CC2D2B: variants seen among roughly 807,000 people sequenced by gnomAD.
CC2D2B encodes the protein coiled-coil and C2 domain containing 2B.
Under a neutral mutation model 161.2 loss-of-function variants are expected in CC2D2B, and 128 were observed. The observed-to-expected ratio is 0.79, with a 90% CI of 0.69 to 0.92. The LOEUF is 0.92. Among genes scored for constraint, CC2D2B ranks in the 40% least tolerant of loss-of-function variants. The probability of loss-of-function intolerance (pLI) is 0.00; values close to 1 mark genes in which losing one functional copy is unlikely to be tolerated. For synonymous variants in CC2D2B, 391 were observed against 449.8 expected (o/e 0.87, Z 1.65); for missense variants, 1,173 against 1,375.1 (o/e 0.85, Z 2.32).
At chr10:96,019,473 A>T (rs553166802) in intron 31 of CC2D2B, 136 bp downstream of exon 31, 1 of 907,974 alleles carries the variant, frequency 1.1e-6, no homozygotes, top group African/African-American at 1.7e-5. Context: ...GCAATCTTTT[A>T]TCACTAAAGC....
intron 12 of CC2D2B, 140 bp downstream of exon 12, chr10:95,962,109 C>T (rs2076779378): frequency 2.8e-6 from 1 of 355,542 alleles, no homozygotes; most frequent in Non-Finnish European, 4.7e-6. Context: ...ATCTTAAATA[C>T]ATAAACATAT....
chr10:95,954,625 A>G (rs1440327160), intron 10 of CC2D2B, among the ~76,000 whole-genome samples: 1 of 152,102 alleles, frequency 6.6e-6, no homozygotes, highest in East Asian at 1.9e-4. Flanking sequence ...GTCACCTTCT[A>G]TTTTTAAAAC....
chr10:96,010,952 A>G (rs559775344), intron 26 of CC2D2B, among the ~76,000 whole-genome samples: 12 of 152,268 alleles, frequency 7.9e-5, no homozygotes, highest in Non-Finnish European at 1.5e-4. Context: ...TACAAATCCT[A>G]GCTCCTTTGC....
At chr10:96,009,108 C>T (rs2078880085) in intron 25 of CC2D2B, among the ~76,000 whole-genome samples, 1 of 151,866 alleles carries the variant, frequency 6.6e-6, no homozygotes, top group African/African-American at 2.4e-5. Flanking sequence ...TATAGTGACT[C>T]GGCTTTCTTT....
chr10:95,936,244 T>C lies in CC2D2B; in HGVS notation c.337-1747T>C, dbSNP rs1405943485. ...AGTCAAGGTTTAGATGTGAGCTGTT[T>C]AGAGAAGTTGTTTGGAAAAGCTATC... On this transcript the variant is annotated intron_variant, in intron 6 of 34. Transcript: ENST00000646931. Among the ~76,000 whole-genome samples the C allele has an allele frequency of 4.6e-5, 7 of 152,300 alleles. No individual in the cohort carries two copies. The East Asian group carries it at 1.4e-3, about 29-fold the overall frequency.
In CC2D2B at chr10:95,992,562, C is replaced by T; in HGVS notation, c.2507C>T (p.Pro836Leu). The T allele has an allele frequency of 5.7e-6, 7 of 1,234,060 alleles. No homozygotes were observed. Among genetic ancestry groups the T allele is most frequent in the Non-Finnish European group, 6.1e-6 (6 of 988,042 alleles). 76.4% of individuals were successfully genotyped at this position (1,234,060 alleles called of 1,614,324 possible). A position where few individuals can be genotyped will look rare whatever the true frequency, so the allele number is the denominator to read the frequency against. ...GATGCAGTTTGTAAGTTTGTTGAAC[C>T]ACGGAGAAAGTTAAAACCTCAGAGG... The part of the protein sequence containing the change: ...LTDAVCKFVE[P>L]RRKLKPQRKE... Residue 836 changes from proline (P) to leucine (L), a missense_variant, in exon 22 of 35, where the codon CCA (proline) becomes CTA (leucine). By Grantham distance (98) the Pro-to-Leu change is moderately conservative. Around this residue, in one of 3 missense-constraint regions of CC2D2B, gnomAD observed 598 missense variants for 693.2 expected, o/e 0.86. Transcript: ENST00000646931.
In CC2D2B at chr10:95,992,542, A is replaced by G; in HGVS notation, c.2487A>G (p.Ala829=). 8.1e-7 allele frequency: 1 copy of G among 1,234,248 alleles called. No homozygotes were observed. The highest frequency in any genetic ancestry group is 1.0e-6 in the Non-Finnish European group (1 of 988,070). 76.5% of individuals were successfully genotyped at this position (1,234,248 alleles called of 1,614,324 possible). Reference sequence around the variant, plus strand: ...TACCCTTTAGCCAATTGACAGATGCAGTTTGTAAGTTTGTTGAACCACGGA... The same window carrying G: ...TACCCTTTAGCCAATTGACAGATGCGGTTTGTAAGTTTGTTGAACCACGGA... The part of the protein sequence containing the change: ...EIVSTSQLTD[A]VCKFVEPRRK... Residue 829 remains alanine (A), a synonymous_variant, in exon 22 of 35, where the codon GCA becomes GCG. Coordinates refer to ENST00000646931, the MANE Select transcript of CC2D2B (RefSeq NM_001349008.3).
At chr10:96,013,326 C>A (rs1267161538) in intron 28 of CC2D2B, among the ~76,000 whole-genome samples, 2 of 151,188 alleles carry the variant, frequency 1.3e-5, no homozygotes, top group Non-Finnish European at 2.9e-5. Flanking sequence ...GCTGCAGCAG[C>A]TTATAATAAA....
chr10:95,952,213 C>T (rs537758513), intron 10 of CC2D2B: 2 of 152,242 alleles, frequency 1.3e-5, no homozygotes, highest in East Asian at 3.9e-4. Context: ...AAATATGCTC[C>T]TTTATATGAG....
chr10:96,027,097 T>TG, intron 33 of CC2D2B, 115 bp from the exon 34 acceptor site: 2 of 723,978 alleles, frequency 2.8e-6, no homozygotes, highest in Non-Finnish European at 4.2e-6. Context: ...CACTCCAGCC[T>TG]GGGGGACAAG....
chr10:95,924,518 CCTCT>C (rs370059779), intron 4 of CC2D2B, 128 bp downstream of exon 4: 237 of 535,088 alleles, frequency 4.4e-4, no homozygotes, highest in South Asian at 1.4e-3. Flanking sequence ...CTAAAGTCTT[CCTCT>C]CTCTCTCTAT....
chr10:96,011,079 T>G (rs2078968554), intron 26 of CC2D2B, among the ~76,000 whole-genome samples: 2 of 152,342 alleles, frequency 1.3e-5, no homozygotes, highest in South Asian at 4.1e-4. Flanking sequence ...GAACATTCTG[T>G]TCCTACTACC....
Position 95,938,583 on chromosome 10 carries a change from A to T in CC2D2B, c.550A>T (p.Lys184Ter). ...PSSSPVVNQR[K>*]LPKDMMPRIL... ...TTGTTATAAAGTGGTTAACCAGCGC[A>T]AACTGCCAAAAGATATGATGCCACG... is the stretch of plus-strand genomic sequence containing the variant. Residue 184 changes from lysine to a stop codon, truncating the protein, a stop_gained, in exon 8 of 35, where the codon AAA becomes TAA. Transcript: ENST00000646931. LOFTEE classifies it high-confidence loss of function. 1 of 699,432 alleles carries T rather than the reference A, an allele frequency of 1.4e-6. No individual in the cohort carries two copies. The highest frequency in any genetic ancestry group is 2.6e-6 in the Non-Finnish European group (1 of 380,646). The allele number at this position is 699,432 out of a possible 1,614,324, so 43.3% of individuals were successfully genotyped here.
At chr10:96,019,865 C>G in intron 32 of CC2D2B, 41 bp downstream of exon 32, 1 of 1,540,700 alleles carries the variant, frequency 6.5e-7, no homozygotes, top group Non-Finnish European at 8.7e-7. Context: ...TGAGAGTTAC[C>G]ATTGCTTCTA....
At chr10:95,918,730 G>A (rs568633940) in intron 2 of CC2D2B, among the ~76,000 whole-genome samples, 1 of 152,120 alleles carries the variant, frequency 6.6e-6, no homozygotes, top group East Asian at 1.9e-4. Flanking sequence ...TCTTCTTTAA[G>A]GCCAATAACT....
rs2077548862 is a variant in CC2D2B, at chr10:95,982,004, T to C, written c.1973T>C (p.Val658Ala). Residue 658 changes from valine to alanine, a missense_variant, in exon 18 of 35, where the codon GTT becomes GCT. By Grantham distance (64) the Val-to-Ala change is moderately conservative. Coordinates refer to ENST00000646931, the MANE Select transcript of CC2D2B (RefSeq NM_001349008.3). ...SMLRNVDARS[V>A]PGIPWLMNEQ... ...TTAAGGAATGTAGATGCAAGAAGTG[T>C]TCCTGGAATTCCATGGCTCATGAAT... The C allele has an allele frequency of 1.6e-6, 2 of 1,230,568 alleles. No homozygotes were observed. The highest frequency in any genetic ancestry group is 2.0e-6 in the Non-Finnish European group (2 of 986,734). 76.2% of individuals were successfully genotyped at this position (1,230,568 alleles called of 1,614,324 possible).
At position 95,930,044 on chromosome 10, in the gene CC2D2B, ATTTG is replaced by A. The variant is rs567410240; in HGVS notation, c.336+2718_336+2721del. ...ATCCATGAGCATGGAATATATTTCCATTTGTTTGTGTCCTCTTTTATTTAATTGA... is the reference window on the plus strand; with the variant it reads ...ATCCATGAGCATGGAATATATTTCCATTTGTGTCCTCTTTTATTTAATTGA... On this transcript the variant is annotated intron_variant, in intron 6 of 34. Coordinates refer to ENST00000646931, the MANE Select transcript of CC2D2B (RefSeq NM_001349008.3). Among the ~76,000 whole-genome samples the A allele has an allele frequency of 2.9e-3, 439 of 152,226 alleles. 2 individuals carry two copies. Among genetic ancestry groups the A allele is most frequent in the African/African-American group, 0.01 (431 of 41,522 alleles).
intron 34 of CC2D2B, among the ~76,000 whole-genome samples, chr10:96,030,978 C>T (rs1011300128): frequency 2.6e-5 from 4 of 152,162 alleles, no homozygotes; most frequent in Admixed American, 6.6e-5. Context: ...CATTAGAAAA[C>T]AGGAATTTTT....
chr10:95,929,853 G>A lies in CC2D2B; in HGVS notation c.336+2521G>A, dbSNP rs536251889. On this transcript the variant is annotated intron_variant, in intron 6 of 34. Transcript: ENST00000646931. ...TGATGCCTACAGCTTTGTTCTTTTT[G>A]CTTAATATTGTCTTGGCTATCCAGG... Among the ~76,000 whole-genome samples the A allele has an allele frequency of 2.6e-5, 4 of 152,210 alleles. No individual in the cohort carries two copies. The East Asian group carries it at 5.8e-4, about 22-fold the overall frequency.
Sources: gnomAD v4.1 joint callset for allele counts (sites outside exome capture counted in the v4.1 genomes callset) on GRCh38, gnomAD v4.1.1 for gene constraint, gnomAD v4.1.1 regional missense constraint, MANE v1.5 for transcripts, NCBI Gene and HGNC (gene_info 2026-07-23, HGNC 2026-07-21) for gene names.